Variants in PTP4A1 observed in about 807,000 individuals in gnomAD.
The protein encoded by PTP4A1 is protein tyrosine phosphatase 4A1.
In PTP4A1, 9 loss-of-function variants were observed where a neutral mutation model predicts 20.5. The observed-to-expected ratio is 0.44, with a 90% CI of 0.26 to 0.77. The LOEUF is 0.77. PTP4A1 is among the 30% of genes least tolerant of loss of function. The probability of loss-of-function intolerance (pLI) is 0.19; values close to 1 mark genes in which losing one functional copy is unlikely to be tolerated. For synonymous variants in PTP4A1, 78 were observed against 67.4 expected, an observed-to-expected ratio of 1.16 and a Z score of -0.77; for missense variants, 137 against 218.8, an observed-to-expected ratio of 0.63 and a Z score of 2.36.
chr6:63,529,359 A>G (rs1366310263), intron 2 of PTP4A1, among the ~76,000 whole-genome samples: 2 of 150,198 alleles, frequency 1.3e-5, no homozygotes, highest in African/African-American at 5.0e-5. Context: ...CAGAACAAAG[A>G]TCAAACTGCT....
intron 5 of PTP4A1, among the ~76,000 whole-genome samples, 189 bp downstream of exon 5, chr6:63,579,520 C>T (rs1778083648): frequency 6.6e-6 from 1 of 152,152 alleles, no homozygotes; most frequent in East Asian, 1.9e-4. Flanking sequence ...AGATTCTAAT[C>T]CAACAAGAGT....
chr6:63,550,175 A>G (rs552496739), intron 2 of PTP4A1: 1 of 152,334 alleles, frequency 6.6e-6, no homozygotes, highest in South Asian at 2.1e-4. Context: ...ATCCTCAGTG[A>G]TTGGTTTTTT....
chr6:63,556,657 A>C (rs545508553), intron 3 of PTP4A1, among the ~76,000 whole-genome samples: 4 of 152,222 alleles, frequency 2.6e-5, no homozygotes, highest in African/African-American at 9.7e-5. Flanking sequence ...TCAGCATGTC[A>C]CTATCGCTTT....
chr6:63,549,137 G>A, intron 2 of PTP4A1: 1 of 686,690 alleles, frequency 1.5e-6, no homozygotes, highest in South Asian at 1.6e-5. Flanking sequence ...TGCCCCCTTT[G>A]CCAGCAGCTT....
intron 1 of PTP4A1, among the ~76,000 whole-genome samples, chr6:63,574,073 G>T (rs900423609): frequency 6.6e-6 from 1 of 152,100 alleles, no homozygotes; most frequent in African/African-American, 2.4e-5. Flanking sequence ...CTGTTGACCT[G>T]CCCGACATCT....
chr6:63,518,999 A>G (rs1434382831), upstream of PTP4A1, among the ~76,000 whole-genome samples: 1 of 152,210 alleles, frequency 6.6e-6, no homozygotes, highest in Non-Finnish European at 1.5e-5. Context: ...AAGCATGTGC[A>G]TATTCACACT....
At chr6:63,541,724 C>T (rs1775982797) in intron 2 of PTP4A1, among the ~76,000 whole-genome samples, 1 of 152,088 alleles carries the variant, frequency 6.6e-6, no homozygotes, top group Non-Finnish European at 1.5e-5. Context: ...CCATCCAACT[C>T]CATTAAAAAA....
rs1776202377 is a variant in PTP4A1, at chr6:63,546,764, T to C, written c.-639-3536T>C. Among the ~76,000 whole-genome samples the C allele has an allele frequency of 2.0e-5, 3 of 152,144 alleles. No individual in the cohort carries two copies. The South Asian group carries it at 6.2e-4, about 31-fold the overall frequency. ...AGGATGACTAAGTTCTGGAGATCTA[T>C]TACCCAGCATAGTGACTATAGTTAA... On this transcript the variant is annotated intron_variant, in intron 2 of 3. Transcript: ENST00000639568.
chr6:63,581,512 C>T lies in PTP4A1; in HGVS notation c.*1338C>T, dbSNP rs549111165. 6 of 152,566 alleles carry T rather than the reference C, an allele frequency of 3.9e-5. No homozygotes were observed. The East Asian group carries it at 1.2e-3, about 29-fold the overall frequency. 9.5% of individuals were successfully genotyped at this position (152,566 alleles called of 1,614,324 possible). A position where few individuals can be genotyped will look rare whatever the true frequency, so the allele number is the denominator to read the frequency against. On this transcript the variant is annotated 3_prime_UTR_variant, in exon 6 of 6. Transcript: ENST00000626021. ...TTTGTAGAAGACAAAATGAATTGCACTTCACTTAATGTGTGTCCTCATCTT... is the reference window on the plus strand; with the variant it reads ...TTTGTAGAAGACAAAATGAATTGCATTTCACTTAATGTGTGTCCTCATCTT...
Position 63,578,467 on chromosome 6 carries a change from G to A in PTP4A1, c.136G>A (p.Val46Ile). 6.2e-7 allele frequency: 1 copy of A among 1,610,118 alleles called. No homozygotes were observed. The highest frequency in any genetic ancestry group is 8.5e-7 in the Non-Finnish European group (1 of 1,178,828). The change falls in exon 3 of 6, where the codon GTA (valine) becomes ATA (isoleucine). Residue 46 changes from valine to isoleucine, a missense_variant. Transcript: ENST00000626021. ...TAAGAAGTATGGAGTTACCACAATA[G>A]TAAGAGTATGTGAAGCAACTTATGA... ...ELKKYGVTTI[V>I]RVCEATYDTT...
upstream of PTP4A1, among the ~76,000 whole-genome samples, chr6:63,569,225 T>A (rs182903997): frequency 5.9e-5 from 9 of 152,340 alleles, no homozygotes; most frequent in East Asian, 1.5e-3. Context: ...TCTTGCCTTC[T>A]GCAGTCTTTC....
intron 3 of PTP4A1, among the ~76,000 whole-genome samples, chr6:63,566,834 C>G (rs946072250): frequency 1.3e-5 from 2 of 152,196 alleles, no homozygotes; most frequent in African/African-American, 4.8e-5. Context: ...TTCAAAGTTG[C>G]AATCAGTCCT....
chr6:63,550,429 G>A (rs1164312318), exon 3 of PTP4A1: 2 of 152,032 alleles, frequency 1.3e-5, no homozygotes, highest in African/African-American at 2.4e-5. Context: ...TGAGGGTGAA[G>A]CTACAAAAAT....
At chr6:63,533,290 G>T (rs1581914243) in intron 2 of PTP4A1, among the ~76,000 whole-genome samples, 1 of 152,178 alleles carries the variant, frequency 6.6e-6, no homozygotes, top group African/African-American at 2.4e-5. Flanking sequence ...GATGAGGCAT[G>T]AGAATCACTT....
intron 2 of PTP4A1, among the ~76,000 whole-genome samples, chr6:63,536,596 T>C (rs973329258): frequency 9.2e-5 from 14 of 152,212 alleles, no homozygotes; most frequent in African/African-American, 3.4e-4. Context: ...TGTTTTAAAA[T>C]TGATGTATGA....
upstream of PTP4A1, among the ~76,000 whole-genome samples, chr6:63,520,785 C>T (rs1323015032): frequency 6.6e-6 from 1 of 152,008 alleles, no homozygotes; most frequent in Non-Finnish European, 1.5e-5. Context: ...AGTTACTGTT[C>T]TTTTTAATTT....
At chr6:63,578,306 G>A (rs772603210) in intron 2 of PTP4A1, 131 bp from the exon 3 acceptor site, 13 of 1,143,032 alleles carry the variant, frequency 1.1e-5, no homozygotes, top group Non-Finnish European at 1.5e-5. Context: ...AACATAAATG[G>A]ATTCTAGCAT....
chr6:63,579,115 T>A, intron 4 of PTP4A1, 87 bp downstream of exon 4: 1 of 1,398,758 alleles, frequency 7.1e-7, no homozygotes, highest in Non-Finnish European at 9.5e-7. Context: ...AATTTTTTAA[T>A]ATAAAGTCAA....
chr6:63,531,246 A>G (rs1451356236), intron 2 of PTP4A1, among the ~76,000 whole-genome samples: 2 of 152,106 alleles, frequency 1.3e-5, no homozygotes, highest in African/African-American at 4.8e-5. Context: ...TAAACTAATC[A>G]CAGACTAAGA....
Sources: allele counts gnomAD v4.1 joint callset (sites outside exome capture counted in the v4.1 genomes callset), GRCh38; gene constraint gnomAD v4.1.1; transcripts MANE v1.5; gene names NCBI Gene and HGNC (gene_info 2026-07-23, HGNC 2026-07-21).